Variants in ITPRID1 observed in about 807,000 individuals in gnomAD.
The protein encoded by ITPRID1 is protein ITPRID1.
Under a neutral mutation model 95.4 loss-of-function variants are expected in ITPRID1, and 96 were observed. The observed-to-expected ratio is 1.01, with a 90% CI of 0.85 to 1.19. The LOEUF is 1.19. Among genes scored for constraint, ITPRID1 ranks in the 50% most tolerant of loss-of-function variants. The pLI, the probability that ITPRID1 is intolerant of heterozygous loss-of-function variation, is 0.00. For synonymous variants in ITPRID1, 510 were observed against 453.6 expected (o/e 1.12, Z -1.58); for missense variants, 1,339 against 1,252.9 (o/e 1.07, Z -1.04).
intron 5 of ITPRID1, among the ~76,000 whole-genome samples, chr7:31,566,714 G>GCATC (rs1784813156): frequency 6.6e-6 from 1 of 152,204 alleles, no homozygotes; most frequent in Admixed American, 6.5e-5. Context: ...CACGGTGCTT[G>GCATC]CATCTATGAC....
At chr7:31,608,828 T>C (rs1435155072) in intron 10 of ITPRID1, among the ~76,000 whole-genome samples, 2 of 151,680 alleles carry the variant, frequency 1.3e-5, no homozygotes. Context: ...GATTCTGAAT[T>C]TTTTTTCTTT....
At chr7:31,601,842 G>A (rs975804468) in intron 10 of ITPRID1, among the ~76,000 whole-genome samples, 4 of 152,122 alleles carry the variant, frequency 2.6e-5, no homozygotes, top group South Asian at 2.1e-4. Flanking sequence ...AACTGCTCAC[G>A]GGCGACCAGA....
intron 10 of ITPRID1, among the ~76,000 whole-genome samples, chr7:31,602,991 C>T (rs1423838040): frequency 3.3e-5 from 5 of 150,612 alleles, no homozygotes; most frequent in Non-Finnish European, 5.9e-5. Context: ...ACCCCCTCAT[C>T]GCATCTTTCC....
chr7:31,650,467 A>G (rs77250182), intron 12 of ITPRID1, among the ~76,000 whole-genome samples: 2,519 of 152,226 alleles, frequency 0.017, 78 homozygotes, highest in African/African-American at 0.057. Flanking sequence ...CTGAGAGAGA[A>G]AGTAAGAGTT....
At chr7:31,555,815 T>C (rs1784426991) in intron 5 of ITPRID1, among the ~76,000 whole-genome samples, 1 of 152,168 alleles carries the variant, frequency 6.6e-6, no homozygotes, top group Admixed American at 6.6e-5. Flanking sequence ...TACAAATCAG[T>C]TTAAATTTTG....
intron 2 of ITPRID1, chr7:31,551,980 A>T (rs1200772821): frequency 5.0e-6 from 2 of 400,672 alleles, no homozygotes; most frequent in African/African-American, 4.1e-5. Context: ...GTATTTGTTG[A>T]TTCACCACCT....
chr7:31,604,304 A>G lies in ITPRID1; in HGVS notation c.1228+21113A>G, dbSNP rs144551777. Among the ~76,000 whole-genome samples, 578 of 152,326 alleles carry G rather than the reference A, an allele frequency of 3.8e-3. 3 individuals carry two copies. Among genetic ancestry groups the G allele is most frequent in the African/African-American group, 0.013 (553 of 41,568 alleles). ...ATGAGGGAACCACAGCTCAGAGAGG[A>G]TAAGTCATTGGATCAAAATAATTCA... On this transcript the variant is annotated intron_variant, in intron 10 of 14. Transcript: ENST00000615280.
Position 31,643,883 on chromosome 7 carries a change from G to C in ITPRID1, c.2513G>C (p.Gly838Ala), listed in dbSNP as rs754606951. The C allele has an allele frequency of 1.2e-6, 2 of 1,613,768 alleles. No homozygotes were observed. Among genetic ancestry groups the C allele is most frequent in the South Asian group, 2.2e-5 (2 of 91,088 alleles). Reference sequence around the variant, plus strand: ...AGGCACTGCCTGTGTTCACTAACTGGTCACCAGGAAGCCCAGTTCATGACG... The same window carrying C: ...AGGCACTGCCTGTGTTCACTAACTGCTCACCAGGAAGCCCAGTTCATGACG... ...VCRHCLCSLTGHQEAQFMTTL... is the reference protein window; with the variant it reads ...VCRHCLCSLTAHQEAQFMTTL... The change falls in exon 12 of 15, where the codon GGT becomes GCT. Residue 838 changes from glycine to alanine, a missense_variant. Gly to Ala is a moderately conservative substitution (Grantham distance 60). Coordinates refer to ENST00000615280, the MANE Select transcript of ITPRID1 (RefSeq NM_001257967.3).
intron 10 of ITPRID1, among the ~76,000 whole-genome samples, chr7:31,640,264 G>A (rs1197313923): frequency 6.6e-6 from 1 of 152,148 alleles, no homozygotes; most frequent in Admixed American, 6.5e-5. Context: ...TCCAGGCTCT[G>A]GATGAGTACT....
intron 1 of ITPRID1, among the ~76,000 whole-genome samples, chr7:31,541,373 T>C (rs1410962825): frequency 6.6e-6 from 1 of 152,168 alleles, no homozygotes; most frequent in Admixed American, 6.5e-5. Context: ...GAAACCTGCA[T>C]TCAAGAGCAC....
intron 1 of ITPRID1, among the ~76,000 whole-genome samples, chr7:31,514,453 G>A (rs1307366938): frequency 1.3e-5 from 2 of 152,126 alleles, no homozygotes; most frequent in Non-Finnish European, 2.9e-5. Flanking sequence ...ATTGAGTATT[G>A]GCCATTTCCT....
At chr7:31,631,950 G>T (rs868692900) in intron 10 of ITPRID1, among the ~76,000 whole-genome samples, 6 of 152,096 alleles carry the variant, frequency 3.9e-5, no homozygotes, top group Admixed American at 1.3e-4. Flanking sequence ...TGATGACGCC[G>T]GCCGACCAGT....
chr7:31,612,912 C>A (rs1786942048), intron 10 of ITPRID1, among the ~76,000 whole-genome samples: 1 of 152,052 alleles, frequency 6.6e-6, no homozygotes, highest in African/African-American at 2.4e-5. Flanking sequence ...TTATTTTGCC[C>A]CAGTTGGTAT....
At chr7:31,542,297 G>A (rs781375952) in intron 1 of ITPRID1, among the ~76,000 whole-genome samples, 2 of 152,142 alleles carry the variant, frequency 1.3e-5, no homozygotes, top group African/African-American at 2.4e-5. Context: ...TGCAAAGCTC[G>A]CAAGTTGTGC....
chr7:31,543,584 ATATCTCT>A (rs1784001409), intron 1 of ITPRID1, among the ~76,000 whole-genome samples: 1 of 151,876 alleles, frequency 6.6e-6, no homozygotes, highest in Non-Finnish European at 1.5e-5. Context: ...CTTTGGTGAG[ATATCTCT>A]TATCTTTTTC....
intron 10 of ITPRID1, among the ~76,000 whole-genome samples, chr7:31,599,637 C>CTT (rs774342513): frequency 0.076 from 7,318 of 96,702 alleles, 311 homozygotes; most frequent in African/African-American, 0.089. Flanking sequence ...TTCTTTCTTT[C>CTT]TTTCTTTCTT....
At chr7:31,595,714 A>C (rs1292747254) in intron 10 of ITPRID1, among the ~76,000 whole-genome samples, 1 of 152,124 alleles carries the variant, frequency 6.6e-6, no homozygotes, top group Non-Finnish European at 1.5e-5. Context: ...CATCATTAAT[A>C]AAATAAACAT....
chr7:31,554,959 T>C (rs1784401072), intron 5 of ITPRID1, 58 bp downstream of exon 5: 1 of 1,213,448 alleles, frequency 8.2e-7, no homozygotes. Context: ...TATTCAAATA[T>C]CTACGTGAAT....
At position 31,519,626 on chromosome 7, in the gene ITPRID1, A is replaced by C. The variant is rs867275891; in HGVS notation, c.-98+5506A>C. On this transcript the variant is annotated intron_variant, in intron 1 of 14. Transcript: ENST00000615280. ...TCTCTCTCTCTCTCTCTCTCTATATATATATATATATATATATATAAATCT... is the reference window on the plus strand; with the variant it reads ...TCTCTCTCTCTCTCTCTCTCTATATCTATATATATATATATATATAAATCT... Among the ~76,000 whole-genome samples the C allele has an allele frequency of 4.2e-3, 319 of 76,556 alleles. 3 individuals are homozygous for C. Among genetic ancestry groups the C allele is most frequent in the Non-Finnish European group, 5.9e-3 (213 of 35,876 alleles). 50.2% of individuals were successfully genotyped at this position (76,556 alleles called of 152,430 possible).
Sources: gnomAD v4.1 joint callset for allele counts (sites outside exome capture counted in the v4.1 genomes callset) on GRCh38, gnomAD v4.1.1 for gene constraint, MANE v1.5 for transcripts, NCBI Gene and HGNC (gene_info 2026-07-23, HGNC 2026-07-21) for gene names.